MBOAT1: variants seen among roughly 807,000 people sequenced by gnomAD.
MBOAT1 encodes the protein membrane bound glycerophospholipid O-acyltransferase 1.
A neutral mutation model predicts 64.4 loss-of-function variants in MBOAT1; 67 were observed. That is an observed-to-expected ratio of 1.04 (90% CI 0.85 to 1.27). The LOEUF (loss-of-function observed/expected upper bound fraction) is 1.27. Among genes scored for constraint, MBOAT1 ranks in the 50% most tolerant of loss-of-function variants. The pLI is 0.00. For synonymous variants in MBOAT1, 229 were observed against 218.9 expected (o/e 1.05, Z -0.41); for missense variants, 563 against 604.6 (o/e 0.93, Z 0.72).
intron 6 of MBOAT1, among the ~76,000 whole-genome samples, chr6:20,128,072 T>C (rs750989032): frequency 2.0e-5 from 3 of 152,064 alleles, no homozygotes; most frequent in Non-Finnish European, 4.4e-5. Flanking sequence ...CCTGCTTCTG[T>C]CTAGCAGGAA....
intron 8 of MBOAT1, among the ~76,000 whole-genome samples, chr6:20,120,076 T>G (rs1022216360): frequency 6.6e-6 from 1 of 151,888 alleles, no homozygotes; most frequent in African/African-American, 2.4e-5. Flanking sequence ...TACAGGCAGT[T>G]CCTCATTTAA....
chr6:20,149,392 C>G (rs1020211123), intron 3 of MBOAT1, among the ~76,000 whole-genome samples: 5 of 152,128 alleles, frequency 3.3e-5, no homozygotes, highest in African/African-American at 1.2e-4. Context: ...GAAGAGCTGA[C>G]AAGCTGCAAT....
intron 1 of MBOAT1, among the ~76,000 whole-genome samples, chr6:20,161,138 C>T (rs1761844336): frequency 6.6e-6 from 1 of 152,130 alleles, no homozygotes; most frequent in African/African-American, 2.4e-5. Context: ...CACCTCCTGT[C>T]AGATCAGCAG....
In MBOAT1 at chr6:20,109,680, A is replaced by G. The variant is rs763882716; in HGVS notation, c.1279T>C (p.Trp427Arg). 1 of 1,614,066 alleles carries G rather than the reference A, an allele frequency of 6.2e-7. No individual in the cohort carries two copies. Among genetic ancestry groups the G allele is most frequent in the South Asian group, 1.1e-5 (1 of 91,090 alleles). Residue 427 changes from tryptophan to arginine, a missense_variant, in exon 12 of 13, where the codon TGG becomes CGG. Trp to Arg is a moderately radical substitution (Grantham distance 101). Transcript: ENST00000324607. ...GAGACAGCCAGCTGAGTGACGGCCCAGGTGCCTGCATCATACACAGCCTTG... is the reference window on the plus strand; with the variant it reads ...GAGACAGCCAGCTGAGTGACGGCCCGGGTGCCTGCATCATACACAGCCTTG... ...ALKAVYDAGT[W>R]AVTQLAVSYT... is the part of the protein sequence containing the mutation.
At chr6:20,134,993 T>A (rs1248404444) in intron 4 of MBOAT1, among the ~76,000 whole-genome samples, 1 of 141,230 alleles carries the variant, frequency 7.1e-6, no homozygotes, top group Admixed American at 7.7e-5. Context: ...AAGGAGGAGA[T>A]CCATAAATGG....
intron 11 of MBOAT1, among the ~76,000 whole-genome samples, chr6:20,111,204 T>C (rs1760128243): frequency 6.6e-6 from 1 of 152,162 alleles, no homozygotes; most frequent in Non-Finnish European, 1.5e-5. Context: ...AGAGAGACCC[T>C]CAGTTTCCAG....
chr6:20,187,702 AAAG>A (rs1762694189), intron 1 of MBOAT1, among the ~76,000 whole-genome samples: 1 of 152,074 alleles, frequency 6.6e-6, no homozygotes, highest in African/African-American at 2.4e-5. Context: ...ATGGTCAGGT[AAAG>A]AAGGGAAGGA....
chr6:20,127,752 T>C (rs1429531831), intron 6 of MBOAT1, among the ~76,000 whole-genome samples: 4 of 152,132 alleles, frequency 2.6e-5, no homozygotes, highest in East Asian at 1.9e-4. Context: ...TGTATAATTA[T>C]TTCATTATAT....
intron 2 of MBOAT1, 48 bp downstream of exon 2, chr6:20,152,576 C>T: frequency 1.3e-6 from 2 of 1,562,442 alleles, no homozygotes; most frequent in Non-Finnish European, 1.7e-6. Flanking sequence ...GACATTGCCA[C>T]AAAACATCCA....
rs1049718303 is a variant in MBOAT1 at position 20,101,953 on chromosome 6, A to C, written c.*333T>G. On this transcript the variant is annotated 3_prime_UTR_variant, in exon 13 of 13. Coordinates refer to ENST00000324607, the MANE Select transcript of MBOAT1 (RefSeq NM_001080480.3). ...AAACGGTGAAACCCCGTCTCTACTA[A>C]AAATACAAAAAATTAGCCGGGCGTA... is the stretch of plus-strand genomic sequence containing the variant. Among the ~76,000 whole-genome samples the C allele has an allele frequency of 6.6e-6, 1 of 151,076 alleles. No individual in the cohort carries two copies. The highest frequency in any genetic ancestry group is 1.5e-5 in the Non-Finnish European group (1 of 67,796).
intron 1 of MBOAT1, among the ~76,000 whole-genome samples, chr6:20,209,503 T>C (rs1375849038): frequency 6.6e-6 from 1 of 152,172 alleles, no homozygotes; most frequent in African/African-American, 2.4e-5. Flanking sequence ...TTACCAGGTA[T>C]TTCCATTTTT....
rs2113615966 is a variant in MBOAT1, at chr6:20,100,156, C to T, written c.*2130G>A. Among the ~76,000 whole-genome samples the T allele has an allele frequency of 1.3e-5, 2 of 152,318 alleles. No homozygotes were observed. Among genetic ancestry groups the T allele is most frequent in the Admixed American group, 1.3e-4 (2 of 15,294 alleles). ...TCACCAAAGCAGACACCTCTGCTCT[C>T]ATTACCAAGTTCTTCTTTCAGACAT... On this transcript the variant is annotated 3_prime_UTR_variant, in exon 13 of 13. Coordinates refer to ENST00000324607, the MANE Select transcript of MBOAT1 (RefSeq NM_001080480.3).
chr6:20,171,315 T>C (rs1057307796), intron 1 of MBOAT1, among the ~76,000 whole-genome samples: 3 of 150,128 alleles, frequency 2.0e-5, no homozygotes, highest in African/African-American at 4.9e-5. Flanking sequence ...GGCAGAAGGA[T>C]TGCTTGAGCC....
intron 9 of MBOAT1, among the ~76,000 whole-genome samples, chr6:20,116,058 G>A (rs1269279150): frequency 2.0e-5 from 3 of 152,028 alleles, no homozygotes; most frequent in Non-Finnish European, 4.4e-5. Context: ...GCAGCCGGGC[G>A]TGGTGGCTCA....
At chr6:20,210,088 C>T (rs1679339111) in intron 1 of MBOAT1, among the ~76,000 whole-genome samples, 1 of 152,184 alleles carries the variant, frequency 6.6e-6, no homozygotes, top group East Asian at 1.9e-4. Context: ...GGTTGGTTCC[C>T]GTTTCCTGCA....
intron 12 of MBOAT1, among the ~76,000 whole-genome samples, chr6:20,103,922 C>T (rs1016735161): frequency 6.6e-6 from 1 of 152,140 alleles, no homozygotes; most frequent in African/African-American, 2.4e-5. Flanking sequence ...TATCCTAGGC[C>T]TTCACATTCA....
intron 10 of MBOAT1, among the ~76,000 whole-genome samples, chr6:20,113,302 G>C (rs1760228695): frequency 6.6e-6 from 1 of 152,190 alleles, no homozygotes; most frequent in Non-Finnish European, 1.5e-5. Flanking sequence ...TTACAGGTCT[G>C]AGTGATCACT....
At chr6:20,196,585 G>A (rs1181846345) in intron 1 of MBOAT1, among the ~76,000 whole-genome samples, 1 of 152,132 alleles carries the variant, frequency 6.6e-6, no homozygotes, top group African/African-American at 2.4e-5. Context: ...ACTGCACCAG[G>A]TGCAGTGGCT....
intron 6 of MBOAT1, among the ~76,000 whole-genome samples, chr6:20,128,387 C>A (rs1254576483): frequency 6.6e-6 from 1 of 151,928 alleles, no homozygotes; most frequent in East Asian, 1.9e-4. Flanking sequence ...ACATAACAAC[C>A]CCAGGGAAGG....
Sources: gnomAD v4.1 joint callset for allele counts (sites outside exome capture counted in the v4.1 genomes callset) on GRCh38, gnomAD v4.1.1 for gene constraint, MANE v1.5 for transcripts, NCBI Gene and HGNC (gene_info 2026-07-23, HGNC 2026-07-21) for gene names.